CNTN4: variants seen among roughly 807,000 people sequenced by gnomAD.
CNTN4 encodes contactin 4, also known as contactin-4.
In CNTN4, 77 loss-of-function variants were observed where a neutral mutation model predicts 122.5. That is an observed-to-expected ratio of 0.63 (90% CI 0.52 to 0.76). The LOEUF (loss-of-function observed/expected upper bound fraction) is 0.76, where lower values mean the gene tolerates loss of function less well. Among genes scored for constraint, CNTN4 ranks in the 30% least tolerant of loss-of-function variants. CNTN4 has a pLI of 0.00. For synonymous variants in CNTN4, 512 were observed against 447.0 expected (o/e 1.15, Z -1.83); for missense variants, 1,256 against 1,259.1 (o/e 1.00, Z 0.04).
At chr3:2,557,416 T>G (rs1282002118) in intron 3 of CNTN4, among the ~76,000 whole-genome samples, 1 of 152,204 alleles carries the variant, frequency 6.6e-6, no homozygotes, top group Non-Finnish European at 1.5e-5. Flanking sequence ...AATTCTGGCT[T>G]TATTTTTTTC....
At chr3:2,491,438 A>G (rs969953759) in intron 3 of CNTN4, among the ~76,000 whole-genome samples, 5 of 152,194 alleles carry the variant, frequency 3.3e-5, no homozygotes, top group African/African-American at 1.2e-4. Flanking sequence ...TAAAATGTCA[A>G]CTGCTATTGA....
intron 4 of CNTN4, among the ~76,000 whole-genome samples, chr3:2,706,721 C>A (rs1340493246): frequency 2.0e-5 from 3 of 152,080 alleles, no homozygotes; most frequent in Non-Finnish European, 2.9e-5. Context: ...TCTCTTTTAA[C>A]TTTGCTGCAT....
intron 14 of CNTN4, among the ~76,000 whole-genome samples, chr3:3,008,258 T>C (rs1291853719): frequency 6.6e-6 from 1 of 152,048 alleles, no homozygotes; most frequent in East Asian, 1.9e-4. Flanking sequence ...TATCCAGACC[T>C]GTTTGGAGAT....
In CNTN4 at chr3:2,973,679, A is replaced by G. The variant is rs149404078; in HGVS notation, c.1359-14666A>G. Among the ~76,000 whole-genome samples the G allele has an allele frequency of 5.5e-4, 83 of 152,146 alleles. No individual in the cohort carries two copies. In the East Asian group the frequency reaches 0.014, roughly 25 times the overall value. On this transcript the variant is annotated intron_variant, in intron 13 of 24. Coordinates refer to ENST00000418658, the MANE Select transcript of CNTN4 (RefSeq NM_175607.3). ...ATATTTAATGTGTGCCTGTTTGTAT[A>G]TAAAGGACTGTATAAAATGAAAGGG...
intron 2 of CNTN4, among the ~76,000 whole-genome samples, chr3:2,183,578 C>G (rs2037117038): frequency 6.6e-6 from 1 of 152,074 alleles, no homozygotes; most frequent in Non-Finnish European, 1.5e-5. Context: ...TTATAGAGAC[C>G]TGTTCTCTGT....
chr3:2,904,692 A>T (rs1221147002), intron 12 of CNTN4, among the ~76,000 whole-genome samples: 1 of 152,158 alleles, frequency 6.6e-6, no homozygotes, highest in East Asian at 1.9e-4. Flanking sequence ...CTTGGAACTG[A>T]GTCTTTTGGA....
chr3:2,757,939 G>T (rs1405534045), intron 6 of CNTN4, among the ~76,000 whole-genome samples: 1 of 152,156 alleles, frequency 6.6e-6, no homozygotes, highest in Non-Finnish European at 1.5e-5. Flanking sequence ...ATTATGATTA[G>T]AGTATTAATT....
rs977124814 is a variant in CNTN4, at chr3:2,656,133, TA to T, written c.56-80078del. ...AGCACCATGCATCCTAGGGAATTTT[TA>T]AAACAATTAAAAGAGAATAATTATA... On this transcript the variant is annotated intron_variant, in intron 4 of 24. Transcript: ENST00000418658. Among the ~76,000 whole-genome samples, 5 of 152,302 alleles carry T rather than the reference TA, an allele frequency of 3.3e-5. No individual in the cohort carries two copies. The East Asian group carries it at 5.8e-4, about 18-fold the overall frequency.
chr3:2,510,442 C>A (rs551173231), intron 3 of CNTN4, among the ~76,000 whole-genome samples: 93 of 151,814 alleles, frequency 6.1e-4, no homozygotes, highest in Non-Finnish European at 1.1e-3. Context: ...ATTTCTGACT[C>A]CCTCAATGTT....
At chr3:2,593,335 T>C (rs1341452339) in intron 4 of CNTN4, among the ~76,000 whole-genome samples, 1 of 152,222 alleles carries the variant, frequency 6.6e-6, no homozygotes, top group East Asian at 1.9e-4. Context: ...ATTCAGCACC[T>C]ACTAAATGAA....
intron 4 of CNTN4, among the ~76,000 whole-genome samples, chr3:2,582,676 G>A (rs879339620): frequency 2.0e-5 from 3 of 152,194 alleles, no homozygotes; most frequent in Non-Finnish European, 4.4e-5. Context: ...GGGCAAAGGA[G>A]GGCAGCCTCT....
intron 3 of CNTN4, among the ~76,000 whole-genome samples, chr3:2,430,253 C>T (rs946099583): frequency 6.6e-6 from 1 of 151,802 alleles, no homozygotes; most frequent in African/African-American, 2.4e-5. Flanking sequence ...GAAACCCCAT[C>T]ACCCTAAAAA....
intron 14 of CNTN4, among the ~76,000 whole-genome samples, chr3:2,992,658 A>G (rs1695156678): frequency 6.6e-6 from 1 of 152,208 alleles, no homozygotes; most frequent in Non-Finnish European, 1.5e-5. Context: ...TAGTTCAACA[A>G]GATAACTATG....
chr3:2,298,138 G>A (rs1273345103), intron 2 of CNTN4, among the ~76,000 whole-genome samples: 1 of 152,030 alleles, frequency 6.6e-6, no homozygotes, highest in East Asian at 1.9e-4. Flanking sequence ...ATAAATGAAG[G>A]CATTTAATTA....
chr3:3,050,152 C>T (rs1340794524), intron 23 of CNTN4, among the ~76,000 whole-genome samples: 3 of 152,204 alleles, frequency 2.0e-5, no homozygotes, highest in East Asian at 1.9e-4. Flanking sequence ...GTTAAAATGG[C>T]GAATTTCAAC....
intron 6 of CNTN4, among the ~76,000 whole-genome samples, chr3:2,788,160 A>T (rs2091900347): frequency 6.6e-6 from 1 of 152,154 alleles, no homozygotes; most frequent in Non-Finnish European, 1.5e-5. Flanking sequence ...GAAATAGCTA[A>T]TGTGTATTGG....
chr3:2,725,149 A>T (rs142737461), intron 4 of CNTN4, among the ~76,000 whole-genome samples: 1 of 152,308 alleles, frequency 6.6e-6, no homozygotes, highest in Non-Finnish European at 1.5e-5. Flanking sequence ...TTGATTTCAG[A>T]GCCATGCAAG....
chr3:2,566,356 G>C (rs192023412), intron 3 of CNTN4, among the ~76,000 whole-genome samples: 1 of 152,164 alleles, frequency 6.6e-6, no homozygotes, highest in African/African-American at 2.4e-5. Flanking sequence ...TATTCTAATT[G>C]CCAAAGCTCT....
intron 2 of CNTN4, among the ~76,000 whole-genome samples, chr3:2,161,408 G>T (rs1441755633): frequency 3.3e-5 from 5 of 152,116 alleles, no homozygotes; most frequent in Non-Finnish European, 7.4e-5. Context: ...GAAGCAGAGA[G>T]AACTGCTTGG....
Sources: allele counts gnomAD v4.1 joint callset (sites outside exome capture counted in the v4.1 genomes callset), GRCh38; gene constraint gnomAD v4.1.1; transcripts MANE v1.5; gene names NCBI Gene and HGNC (gene_info 2026-07-23, HGNC 2026-07-21).